The following CHID1 variants were observed in gnomAD, a reference collection of about 807,000 sequenced individuals.
CHID1 encodes chitinase domain containing 1.
Under a neutral mutation model 55.4 loss-of-function variants are expected in CHID1, and 44 were observed. The observed-to-expected ratio is 0.79, with a 90% CI of 0.62 to 1.02. CHID1 has a LOEUF of 1.02. Ranked by LOEUF, CHID1 falls within the 50% of genes least tolerant of loss-of-function variation. The probability of loss-of-function intolerance (pLI) is 0.00; values close to 1 mark genes in which losing one functional copy is unlikely to be tolerated. For synonymous variants in CHID1, 216 were observed against 212.9 expected, an observed-to-expected ratio of 1.01 and a Z score of -0.13; for missense variants, 491 against 515.3, an observed-to-expected ratio of 0.95 and a Z score of 0.46.
In CHID1 at chr11:870,440, T is replaced by C. The variant is rs374232737; in HGVS notation, c.1019A>G (p.Glu340Gly). Reference sequence around the variant, plus strand: ...TCACTTCTTGTACTCGAAGAAGTGCTCTGAGGCCTGGCTGTCCCACACCAT... The same window carrying C: ...TCACTTCTTGTACTCGAAGAAGTGCCCTGAGGCCTGGCTGTCCCACACCAT... Reference protein sequence around the residue: ...PRMVWDSQASEHFFEYKKSRS... With the variant: ...PRMVWDSQASGHFFEYKKSRS... Residue 340 changes from glutamate (E) to glycine (G), a missense_variant, in exon 11 of 13, where the codon GAG (glutamate) becomes GGG (glycine). Coordinates refer to ENST00000323578, the MANE Select transcript of CHID1 (RefSeq NM_023947.4). The C allele has an allele frequency of 9.3e-6, 15 of 1,612,052 alleles. No individual in the cohort carries two copies. Among genetic ancestry groups the C allele is most frequent in the African/African-American group, 1.3e-5 (1 of 75,014 alleles).
intron 10 of CHID1, among the ~76,000 whole-genome samples, chr11:878,730 C>G (rs1849685714): frequency 6.6e-6 from 1 of 151,870 alleles, no homozygotes; most frequent in South Asian, 2.1e-4. Flanking sequence ...GAGACAGAGT[C>G]TCGCACTGTT....
At chr11:890,130 C>T (rs1156424669) in intron 8 of CHID1, among the ~76,000 whole-genome samples, 3 of 152,244 alleles carry the variant, frequency 2.0e-5, no homozygotes, top group Non-Finnish European at 2.9e-5. Flanking sequence ...AGGCCTAGCC[C>T]GCTCCCTGAC....
At chr11:912,650 C>T (rs1852761851), upstream of CHID1, among the ~76,000 whole-genome samples, 1 of 152,088 alleles carries the variant, frequency 6.6e-6, no homozygotes, top group Non-Finnish European at 1.5e-5. Context: ...CGAGACCATC[C>T]TGATTAACAC....
intron 11 of CHID1, 104 bp from the exon 12 acceptor site, chr11:870,267 C>T: frequency 6.8e-7 from 1 of 1,479,768 alleles, no homozygotes; most frequent in Non-Finnish European, 9.4e-7. Flanking sequence ...CACCAGGTGG[C>T]CACCTGCTGT....
intron 1 of CHID1, among the ~76,000 whole-genome samples, chr11:907,968 G>A (rs920183389): frequency 3.3e-5 from 5 of 152,200 alleles, no homozygotes; most frequent in Admixed American, 6.5e-5. Flanking sequence ...AGAGGCACAC[G>A]CTGCCCCACT....
upstream of CHID1, chr11:910,887 ATGGAGAGGGGC>A: frequency 9.7e-7 from 1 of 1,035,568 alleles, no homozygotes; most frequent in Non-Finnish European, 1.2e-6. Flanking sequence ...GCACGCTGGG[ATGGAGAGGGGC>A]TGGGCCAGGA....
At chr11:889,301 G>A (rs1033498955) in intron 8 of CHID1, among the ~76,000 whole-genome samples, 2 of 152,018 alleles carry the variant, frequency 1.3e-5, no homozygotes, top group African/African-American at 4.8e-5. Context: ...CACCCACCTT[G>A]GTCCTGACAC....
At chr11:901,316 C>T (rs1484241210) in intron 4 of CHID1, among the ~76,000 whole-genome samples, 4 of 152,156 alleles carry the variant, frequency 2.6e-5, no homozygotes, top group Non-Finnish European at 5.9e-5. Context: ...AGGGTTTCTC[C>T]GAGCTGAGGG....
intron 1 of CHID1, among the ~76,000 whole-genome samples, chr11:909,609 A>G (rs1476020157): frequency 6.6e-6 from 1 of 152,214 alleles, no homozygotes; most frequent in Non-Finnish European, 1.5e-5. Flanking sequence ...ATGTGTGCAC[A>G]TGTGTTGTGC....
chr11:884,120 G>C lies in CHID1; in HGVS notation c.751C>G (p.Pro251Ala), dbSNP rs781411027. 8.7e-6 allele frequency: 14 copies of C among 1,614,046 alleles called. No homozygotes were observed. The highest frequency in any genetic ancestry group is 1.1e-5 in the Non-Finnish European group (13 of 1,180,022). ...ATGAGGCTGAAACCATCCAGCACGG[G>C]GGCCAGCTGCTCAAACTCCTTGTGC... Reference protein sequence around the residue: ...FTHKEFEQLAPVLDGFSLMTY... With the variant: ...FTHKEFEQLAAVLDGFSLMTY... The change falls in exon 9 of 13, where the codon CCC becomes GCC. Residue 251 changes from proline to alanine, a missense_variant. Coordinates refer to ENST00000323578, the MANE Select transcript of CHID1 (RefSeq NM_023947.4).
chr11:887,334 T>G (rs1850478091), intron 8 of CHID1, among the ~76,000 whole-genome samples: 1 of 152,166 alleles, frequency 6.6e-6, no homozygotes. Flanking sequence ...AGCCCGTCGT[T>G]GCTTTCCCAC....
intron 9 of CHID1, among the ~76,000 whole-genome samples, 196 bp downstream of exon 9, chr11:883,872 C>T (rs1045134408): frequency 5.3e-5 from 8 of 152,254 alleles, no homozygotes; most frequent in Non-Finnish European, 1.0e-4. Flanking sequence ...GCCCCACCCA[C>T]GTGACCACCA....
In CHID1 at chr11:880,201, TCA is replaced by T. The variant is rs1477014628; in HGVS notation, c.959+2945_959+2946del. Among the ~76,000 whole-genome samples the T allele has an allele frequency of 7.2e-5, 11 of 152,304 alleles. No homozygotes were observed. The South Asian group carries it at 2.3e-3, about 32-fold the overall frequency. Reference sequence around the variant, plus strand: ...TCGCCTGTGCGGAGCCCCGCGTGTCTCAGTGTGTGGCTGAGTTCTCTATGACT... The same window carrying T: ...TCGCCTGTGCGGAGCCCCGCGTGTCTGTGTGTGGCTGAGTTCTCTATGACT... On this transcript the variant is annotated intron_variant, in intron 10 of 12. Transcript: ENST00000323578.
At chr11:873,222 G>GCACAGCAGAGGGAGTCCAGGCC (rs967047554) in intron 10 of CHID1, among the ~76,000 whole-genome samples, 3 of 152,104 alleles carry the variant, frequency 2.0e-5, no homozygotes, top group South Asian at 2.1e-4. Context: ...GCAGCTGCAG[G>GCACAGCAGAGGGAGTCCAGGCC]CACAGCAGAG....
chr11:884,227 CAGCTGCGGTTCGAGCA>C, intron 8 of CHID1, 58 bp from the exon 9 acceptor site: 1 of 1,419,682 alleles, frequency 7.0e-7, no homozygotes, highest in Non-Finnish European at 9.9e-7. Context: ...AGCCCCTCCC[CAGCTGCGGTTCGAGCA>C]AGCTGCCTGT....
At chr11:910,412 C>T (rs902411046) in intron 1 of CHID1, among the ~76,000 whole-genome samples, 4 of 152,318 alleles carry the variant, frequency 2.6e-5, no homozygotes, top group Admixed American at 6.5e-5. Flanking sequence ...GGCCACATCC[C>T]TTGTCTGCGC....
rs747298826 is a variant in CHID1 at position 903,151 on chromosome 11, T to A, written c.112-40A>T. ...GTGAGAGAAAAGCCTCAGTCATCTG[T>A]CCACAGTGTAGAGCACAGAGCCCCA... On this transcript the variant is annotated intron_variant, in intron 2 of 12. Coordinates refer to ENST00000323578, the MANE Select transcript of CHID1 (RefSeq NM_023947.4). 5 of 1,596,152 alleles carry A rather than the reference T, an allele frequency of 3.1e-6. No individual in the cohort carries two copies. The Admixed American group carries it at 5.0e-5, about 16-fold the overall frequency.
At position 875,552 on chromosome 11, in the gene CHID1, G is replaced by A; in HGVS notation, c.960-5053C>T. 6.6e-6 allele frequency among the ~76,000 whole-genome samples: 1 copy of A among 152,176 alleles called. No homozygotes were observed. The highest frequency in any genetic ancestry group is 1.9e-4 in the East Asian group (1 of 5,194). ...TCGTCACTGGCTATCGGAGAGCGCT[G>A]GGGTGTTAGGAGAACACGGTGAGCA... On this transcript the variant is annotated intron_variant, in intron 10 of 12. Transcript: ENST00000323578. The surrounding 1 kb of genome is among the most constrained non-coding windows in gnomAD (Gnocchi z 4.7).
rs1850992892 is a variant in CHID1, at chr11:893,427, C to T, written c.701G>A (p.Gly234Glu). 1.3e-6 allele frequency: 2 copies of T among 1,549,434 alleles called. No homozygotes were observed. The highest frequency in any genetic ancestry group is 1.2e-5 in the South Asian group (1 of 83,934). The change falls in exon 8 of 13, where the codon GGG (glycine) becomes GAG (glutamate). Residue 234 changes from glycine to glutamate, a missense_variant and splice_region_variant. By Grantham distance (98) the Gly-to-Glu change is moderately conservative. Coordinates refer to ENST00000323578, the MANE Select transcript of CHID1 (RefSeq NM_023947.4). ...CCCACATCTCAAGAGCGGCACTTAC[C>T]CGGGGGTGATGGCAGGCGGGATGAC... ...LLVIPPAITP[G>E]TDQLGMFTHK...
Sources: allele counts gnomAD v4.1 joint callset (sites outside exome capture counted in the v4.1 genomes callset), GRCh38; gene constraint gnomAD v4.1.1; non-coding constraint Gnocchi (gnomAD v3.1); transcripts MANE v1.5; gene names NCBI Gene and HGNC (gene_info 2026-07-23, HGNC 2026-07-21).